SUFU: variants seen among roughly 807,000 people sequenced by gnomAD.
The protein encoded by SUFU is suppressor of fused homolog.
Under a neutral mutation model 58.9 loss-of-function variants are expected in SUFU, and 7 were observed. The observed-to-expected ratio is 0.12, with a 90% CI of 0.07 to 0.22. SUFU has a LOEUF of 0.22. SUFU is among the 10% of genes least tolerant of loss of function. The pLI is 1.00. For missense variants in SUFU, 451 were observed against 641.3 expected (o/e 0.70, Z 3.20); for synonymous variants, 232 against 254.8 (o/e 0.91, Z 0.85).
chr10:102,602,842 C>T (rs1365941907), intron 8 of SUFU, among the ~76,000 whole-genome samples: 2 of 152,228 alleles, frequency 1.3e-5, no homozygotes, highest in African/African-American at 2.4e-5. Context: ...CCCTTGCATT[C>T]CAGCCATGAA....
intron 8 of SUFU, among the ~76,000 whole-genome samples, chr10:102,604,970 C>T (rs1204003389): frequency 7.0e-6 from 1 of 143,656 alleles, no homozygotes; most frequent in Non-Finnish European, 1.5e-5. Flanking sequence ...CTCACTCTGT[C>T]ACCTAGACTG....
chr10:102,563,305 CAAAT>C (rs2063057373), intron 3 of SUFU, among the ~76,000 whole-genome samples: 1 of 152,026 alleles, frequency 6.6e-6, no homozygotes. Context: ...AAAAAATAAG[CAAAT>C]AAATATTTGA....
chr10:102,541,644 C>T (rs561605154), intron 2 of SUFU, among the ~76,000 whole-genome samples: 106 of 150,382 alleles, frequency 7.0e-4, no homozygotes, highest in African/African-American at 2.5e-3. Flanking sequence ...GGTGATCTGC[C>T]TGCCTCGGCC....
In SUFU at chr10:102,504,057, G is replaced by T. The variant is rs953478096; in HGVS notation, c.-96G>T. On this transcript the variant is annotated 5_prime_UTR_variant, in exon 1 of 12. Transcript: ENST00000369902. ...CCTCGCTGCAGCCCCCATCGCCTCGGGGAGTCTCACCCACCGAGTCCGCCC... is the reference window on the plus strand; with the variant it reads ...CCTCGCTGCAGCCCCCATCGCCTCGTGGAGTCTCACCCACCGAGTCCGCCC... 4 of 1,442,150 alleles carry T rather than the reference G, an allele frequency of 2.8e-6. No homozygotes were observed. In the African/African-American group the frequency reaches 5.7e-5, roughly 21 times the overall value. 89.3% of individuals were successfully genotyped at this position (1,442,150 alleles called of 1,614,324 possible).
intron 7 of SUFU, among the ~76,000 whole-genome samples, chr10:102,598,524 A>G (rs1368486500): frequency 1.3e-5 from 2 of 152,196 alleles, no homozygotes; most frequent in Non-Finnish European, 2.9e-5. Flanking sequence ...AAGAGAGGGT[A>G]TACAGTTATT....
intron 3 of SUFU, among the ~76,000 whole-genome samples, chr10:102,555,230 TGCACTCCA>T (rs1460999309): frequency 2.4e-5 from 3 of 126,446 alleles, no homozygotes; most frequent in African/African-American, 9.1e-5. Flanking sequence ...ACTGCGCCAC[TGCACTCCA>T]GCCTGGGCGT....
intron 6 of SUFU, among the ~76,000 whole-genome samples, chr10:102,596,335 C>G (rs1175095689): frequency 6.6e-6 from 1 of 152,202 alleles, no homozygotes; most frequent in African/African-American, 2.4e-5. Context: ...ACTTTTAATT[C>G]AAGGTCCAGC....
intron 10 of SUFU, among the ~76,000 whole-genome samples, chr10:102,624,666 A>G (rs2063770583): frequency 6.6e-6 from 1 of 152,154 alleles, no homozygotes; most frequent in Non-Finnish European, 1.5e-5. Flanking sequence ...CCACACACAG[A>G]TGGTGCCGCG....
intron 3 of SUFU, among the ~76,000 whole-genome samples, chr10:102,576,255 G>A (rs1305168365): frequency 6.6e-6 from 1 of 152,004 alleles, no homozygotes; most frequent in Non-Finnish European, 1.5e-5. Context: ...TTTGGTGTGC[G>A]TCCTTGCAGC....
intron 3 of SUFU, among the ~76,000 whole-genome samples, chr10:102,589,373 T>G (rs1037245663): frequency 1.3e-5 from 2 of 151,774 alleles, no homozygotes; most frequent in African/African-American, 4.8e-5. Context: ...CTGTATACAA[T>G]ATCATGCTAT....
upstream of SUFU, among the ~76,000 whole-genome samples, chr10:102,503,484 T>C (rs958892752): frequency 5.3e-5 from 8 of 152,224 alleles, no homozygotes; most frequent in African/African-American, 1.9e-4. Context: ...AGAGAGGTTA[T>C]GTGTCACTGC....
At chr10:102,593,957 C>T (rs1251635713) in intron 5 of SUFU, 36 bp from the exon 6 acceptor site, 1 of 1,612,938 alleles carries the variant, frequency 6.2e-7, no homozygotes, top group East Asian at 2.2e-5. Flanking sequence ...GCCCCAGACC[C>T]TCAGTTACCA....
Position 102,630,060 on chromosome 10 carries a change from C to T in SUFU, c.1366-6C>T, listed in dbSNP as rs1564712471. On this transcript the variant is annotated splice_region_variant and splice_polypyrimidine_tract_variant and intron_variant, in intron 11 of 11. Coordinates refer to ENST00000369902, the MANE Select transcript of SUFU (RefSeq NM_016169.4). The stretch of plus-strand genomic sequence containing the variant: ...CACTCCTGGTCTGTGCTTGCTCCCT[C>T]CACAGTTCAAACTTCCCAAAGAGTA... 6 of 1,613,988 alleles carry T rather than the reference C, an allele frequency of 3.7e-6. No individual in the cohort carries two copies. The highest frequency in any genetic ancestry group is 1.3e-5 in the African/African-American group (1 of 75,034).
intron 7 of SUFU, among the ~76,000 whole-genome samples, 192 bp downstream of exon 7, chr10:102,597,485 T>C (rs1404480702): frequency 6.6e-6 from 1 of 152,236 alleles, no homozygotes; most frequent in Non-Finnish European, 1.5e-5. Context: ...CCATTCCTAG[T>C]TGTGTTTCCT....
intron 2 of SUFU, among the ~76,000 whole-genome samples, chr10:102,512,685 C>A (rs2062415452): frequency 6.6e-6 from 1 of 152,186 alleles, no homozygotes; most frequent in African/African-American, 2.4e-5. Flanking sequence ...CTAGTATTTT[C>A]CAGTATTACA....
At chr10:102,552,858 T>C (rs1370754188) in intron 3 of SUFU, among the ~76,000 whole-genome samples, 2 of 152,264 alleles carry the variant, frequency 1.3e-5, no homozygotes, top group Non-Finnish European at 2.9e-5. Flanking sequence ...TAACAACTTG[T>C]GAAGCTGGGT....
At chr10:102,541,642 G>A (rs1438748653) in intron 2 of SUFU, among the ~76,000 whole-genome samples, 1 of 147,354 alleles carries the variant, frequency 6.8e-6, no homozygotes, top group Non-Finnish European at 1.5e-5. Flanking sequence ...CAGGTGATCT[G>A]CCTGCCTCGG....
chr10:102,513,547 T>C (rs768368048), intron 2 of SUFU, among the ~76,000 whole-genome samples: 10 of 152,210 alleles, frequency 6.6e-5, no homozygotes, highest in South Asian at 2.1e-4. Flanking sequence ...CATGTAAAGA[T>C]GGTTATAATA....
chr10:102,585,706 TG>T, intron 3 of SUFU, among the ~76,000 whole-genome samples: 1 of 151,660 alleles, frequency 6.6e-6, no homozygotes, highest in Non-Finnish European at 1.5e-5. Context: ...TTTATAGAGA[TG>T]GGGTTTTGCC....
Sources: gnomAD v4.1 joint callset for allele counts (sites outside exome capture counted in the v4.1 genomes callset) on GRCh38, gnomAD v4.1.1 for gene constraint, MANE v1.5 for transcripts, NCBI Gene and HGNC (gene_info 2026-07-23, HGNC 2026-07-21) for gene names.